Variants in DNAI3 observed in about 807,000 individuals in gnomAD.
DNAI3 encodes the protein WD repeat domain 63.
Under a neutral mutation model 115.5 loss-of-function variants are expected in DNAI3, and 83 were observed. That is an observed-to-expected ratio of 0.72 (90% confidence interval 0.60 to 0.86). The LOEUF is 0.86. Among genes scored for constraint, DNAI3 ranks in the 40% least tolerant of loss-of-function variants. The pLI is 0.00. For missense variants in DNAI3, 1,004 were observed against 1,075.8 expected (o/e 0.93, Z 0.93); for synonymous variants, 320 against 347.0 (o/e 0.92, Z 0.86).
chr1:85,122,095 T>C (rs1381841188), intron 18 of DNAI3, among the ~76,000 whole-genome samples: 4 of 152,230 alleles, frequency 2.6e-5, no homozygotes, highest in Non-Finnish European at 5.9e-5. Flanking sequence ...CACCAAAATT[T>C]GAGGAGCACT....
intron 16 of DNAI3, among the ~76,000 whole-genome samples, chr1:85,115,910 C>T (rs762166523): frequency 6.6e-6 from 1 of 152,192 alleles, no homozygotes; most frequent in African/African-American, 2.4e-5. Context: ...TACCAGGCCA[C>T]GAACCAGTAT....
intron 16 of DNAI3, among the ~76,000 whole-genome samples, chr1:85,115,525 A>T (rs946379983): frequency 6.6e-6 from 1 of 152,190 alleles, no homozygotes; most frequent in African/African-American, 2.4e-5. Context: ...GAAATCCATG[A>T]CCTATGAGGA....
At chr1:85,093,841 C>G (rs1162426895) in intron 9 of DNAI3, 193 bp downstream of exon 9, 2 of 708,080 alleles carry the variant, frequency 2.8e-6, no homozygotes, top group African/African-American at 3.5e-5. Flanking sequence ...AGGATACACA[C>G]CTGTCATTAT....
chr1:85,100,291 C>G (rs951955540), intron 13 of DNAI3, among the ~76,000 whole-genome samples: 6 of 152,136 alleles, frequency 3.9e-5, no homozygotes, highest in Admixed American at 2.0e-4. Context: ...AAACAAACAA[C>G]CCCATCAAAA....
In DNAI3 at chr1:85,062,694, T is replaced by C. The variant is rs140212391; in HGVS notation, c.-15+208T>C. 4.6e-3 allele frequency among the ~76,000 whole-genome samples: 708 copies of C among 152,286 alleles called. 2 individuals are homozygous for C. Among genetic ancestry groups the C allele is most frequent in the Non-Finnish European group, 7.5e-3 (511 of 68,028 alleles). ...GCAACGAGAGAGCAGTTAACGACAC[T>C]CTAAGAACTTTAAGGGCATGTACTG... On this transcript the variant is annotated intron_variant, in intron 1 of 22. Coordinates refer to ENST00000294664, the MANE Select transcript of DNAI3 (RefSeq NM_145172.5).
At chr1:85,093,926 C>CAG (rs951833003) in intron 9 of DNAI3, 3 of 565,764 alleles carry the variant, frequency 5.3e-6, no homozygotes, top group Non-Finnish European at 1.0e-5. Context: ...TGGCATAAGG[C>CAG]AGAGTCTGGG....
Position 85,072,004 on chromosome 1 carries a change from T to C in DNAI3, c.63T>C (p.Ala21=), listed in dbSNP as rs1347937168. 1 of 1,609,740 alleles carries C rather than the reference T, an allele frequency of 6.2e-7. No individual in the cohort carries two copies. Among genetic ancestry groups the C allele is most frequent in the Non-Finnish European group, 8.5e-7 (1 of 1,179,144 alleles). ...RGKKRLKPVL[A]ASEDMEPVNM... ...AAAAAAGACTAAAACCAGTATTAGC[T>C]GGTAGGAATATTTCTTCATTGAATG... Residue 21 remains alanine (A), a splice_region_variant and synonymous_variant, in exon 2 of 23, where the codon GCT becomes GCC. Transcript: ENST00000294664.
At chr1:85,067,780 G>A (rs1654143291) in intron 1 of DNAI3, among the ~76,000 whole-genome samples, 1 of 152,136 alleles carries the variant, frequency 6.6e-6, no homozygotes, top group Admixed American at 6.5e-5. Context: ...TTGGAGGTTG[G>A]GGGCCACAAA....
chr1:85,083,586 CTG>C (rs1326830339), intron 5 of DNAI3, among the ~76,000 whole-genome samples: 6 of 151,864 alleles, frequency 4.0e-5, no homozygotes, highest in African/African-American at 1.5e-4. Flanking sequence ...GATTGTTGTT[CTG>C]TTTTTAATTT....
intron 13 of DNAI3, among the ~76,000 whole-genome samples, chr1:85,101,653 G>C (rs777240212): frequency 2.8e-5 from 4 of 142,088 alleles, no homozygotes; most frequent in Non-Finnish European, 6.0e-5. Context: ...GTGTGAACCG[G>C]AGAGGCGGAG....
intron 15 of DNAI3, 91 bp from the exon 16 acceptor site, chr1:85,109,957 T>C (rs1655602790): frequency 1.6e-6 from 2 of 1,228,466 alleles, no homozygotes; most frequent in African/African-American, 3.0e-5. Context: ...TTTCCTTCAA[T>C]ATGGGAGCAG....
At chr1:85,103,216 C>T (rs964179580) in intron 13 of DNAI3, among the ~76,000 whole-genome samples, 2 of 152,138 alleles carry the variant, frequency 1.3e-5, no homozygotes, top group Non-Finnish European at 2.9e-5. Flanking sequence ...GAAAGTCATG[C>T]GTTTCCCTCT....
At chr1:85,097,391 A>G (rs1004524643) in intron 11 of DNAI3, among the ~76,000 whole-genome samples, 178 bp from the exon 12 acceptor site, 36 of 152,226 alleles carry the variant, frequency 2.4e-4, no homozygotes, top group African/African-American at 8.7e-4. Flanking sequence ...TTTACAGAGA[A>G]GAAAACATTC....
At chr1:85,072,725 G>A (rs1339515740) in intron 2 of DNAI3, among the ~76,000 whole-genome samples, 1 of 151,736 alleles carries the variant, frequency 6.6e-6, no homozygotes, top group African/African-American at 2.4e-5. Flanking sequence ...GGAGGCCAAG[G>A]TGGACGGATC....
At chr1:85,119,447 G>A (rs1655925729) in intron 17 of DNAI3, among the ~76,000 whole-genome samples, 1 of 152,142 alleles carries the variant, frequency 6.6e-6, no homozygotes, top group Admixed American at 6.5e-5. Flanking sequence ...GTCCTTTTGT[G>A]CACCAAAGTT....
In DNAI3 at chr1:85,128,790, C is replaced by T. The variant is rs753032712; in HGVS notation, c.2400C>T (p.Ser800=). The change falls in exon 21 of 23, where the codon TCC becomes TCT. Residue 800 remains serine, a synonymous_variant. Coordinates refer to ENST00000294664, the MANE Select transcript of DNAI3 (RefSeq NM_145172.5). ...TTCCTTGGACATTAAGTCGCCCTTC[C>T]ACCAATGAGGTTAGTAACTAACTTA... ...LEIPWTLSRP[S]TNEMASVNHY... is the part of the protein sequence containing the mutation. 1.2e-6 allele frequency: 2 copies of T among 1,612,546 alleles called. No homozygotes were observed. Among genetic ancestry groups the T allele is most frequent in the Non-Finnish European group, 1.7e-6 (2 of 1,179,126 alleles).
chr1:85,131,388 G>A (rs1402606961), intron 22 of DNAI3, among the ~76,000 whole-genome samples: 1 of 144,312 alleles, frequency 6.9e-6, no homozygotes, highest in Non-Finnish European at 1.5e-5. Flanking sequence ...AGGTTATGGT[G>A]AGCCGAGATT....
chr1:85,099,260 C>T (rs1209416808), intron 13 of DNAI3: 1 of 985,296 alleles, frequency 1.0e-6, no homozygotes. Context: ...TAAAGATCTA[C>T]TATGTACTTT....
chr1:85,120,864 G>A (rs760240808), intron 17 of DNAI3, among the ~76,000 whole-genome samples: 5 of 152,172 alleles, frequency 3.3e-5, no homozygotes, highest in Admixed American at 2.0e-4. Context: ...AAAAGCTCAG[G>A]TGGGTGAATG....
Sources: gnomAD v4.1 joint callset for allele counts (sites outside exome capture counted in the v4.1 genomes callset) on GRCh38, gnomAD v4.1.1 for gene constraint, MANE v1.5 for transcripts, NCBI Gene and HGNC (gene_info 2026-07-23, HGNC 2026-07-21) for gene names.